CFAP107: variants seen among roughly 807,000 people sequenced by gnomAD.
The protein encoded by CFAP107 is cilia and flagella associated protein 107.
chr1:12,760,754 C>A, the CFAP107 span: 1 of 1,610,590 alleles, frequency 6.2e-7, no homozygotes, highest in East Asian at 2.2e-5. Flanking sequence ...CAACTGGACC[C>A]TGGTTTCTCT....
chr1:12,759,521 G>C, the CFAP107 span: 2 of 1,613,218 alleles, frequency 1.2e-6, no homozygotes, highest in Non-Finnish European at 1.7e-6. Context: ...CCTCTGCGTT[G>C]GTCTGTAAAG....
At chr1:12,746,535 G>T in the CFAP107 span, 1 of 1,610,664 alleles carries the variant, frequency 6.2e-7, no homozygotes, top group East Asian at 2.2e-5. Context: ...TGGAAGAGAG[G>T]AGAAAGGTAA....
the CFAP107 span, among the ~76,000 whole-genome samples, chr1:12,751,882 AAT>A: frequency 6.6e-6 from 1 of 152,210 alleles, no homozygotes; most frequent in South Asian, 2.1e-4. Context: ...AATTCCAAGA[AAT>A]ATACAATCTA....
At chr1:12,762,138 A>C in the CFAP107 span, 1 of 152,248 alleles carries the variant, frequency 6.6e-6, no homozygotes, top group East Asian at 1.9e-4. Flanking sequence ...TTTTCACAGG[A>C]TACCTGCTGG....
the CFAP107 span, among the ~76,000 whole-genome samples, chr1:12,758,621 T>G: frequency 6.6e-6 from 1 of 152,132 alleles, no homozygotes; most frequent in Non-Finnish European, 1.5e-5. Flanking sequence ...AGCATGGAAA[T>G]CAACATTATG....
the CFAP107 span, among the ~76,000 whole-genome samples, chr1:12,760,135 A>G: frequency 6.6e-6 from 1 of 152,162 alleles, no homozygotes; most frequent in Non-Finnish European, 1.5e-5. Context: ...AGGAAGGAAC[A>G]GTAAATGAAA....
the CFAP107 span, chr1:12,762,152 C>G: frequency 6.6e-6 from 1 of 152,236 alleles, no homozygotes; most frequent in East Asian, 1.9e-4. Flanking sequence ...CTGCTGGCCT[C>G]AGGCCACCTA....
At chr1:12,759,550 C>A in the CFAP107 span, 1 of 1,578,990 alleles carries the variant, frequency 6.3e-7, no homozygotes, top group Non-Finnish European at 8.7e-7. Flanking sequence ...ACCAACGGAG[C>A]TGTACCTGCC....
chr1:12,758,585 C>G, the CFAP107 span, among the ~76,000 whole-genome samples: 1 of 152,138 alleles, frequency 6.6e-6, no homozygotes, highest in Non-Finnish European at 1.5e-5. Context: ...ACACAGGCCT[C>G]CCTGTCTGCT....
chr1:12,751,448 G>A, the CFAP107 span, among the ~76,000 whole-genome samples: 9 of 152,072 alleles, frequency 5.9e-5, no homozygotes, highest in African/African-American at 1.9e-4. Context: ...CCAACATGGC[G>A]AAATCCCGTC....
the CFAP107 span, among the ~76,000 whole-genome samples, chr1:12,749,554 T>C: frequency 4.6e-5 from 7 of 152,118 alleles, no homozygotes; most frequent in African/African-American, 1.2e-4. Context: ...GAGGTTCTAG[T>C]GAGCCGAAAT....
At chr1:12,754,424 C>T in the CFAP107 span, among the ~76,000 whole-genome samples, 19 of 152,204 alleles carry the variant, frequency 1.2e-4, no homozygotes, top group African/African-American at 4.6e-4. Context: ...CTAAATGGTA[C>T]TGCCACTGTG....
chr1:12,759,987 A>G, the CFAP107 span, among the ~76,000 whole-genome samples: 3 of 152,084 alleles, frequency 2.0e-5, no homozygotes, highest in Non-Finnish European at 4.4e-5. Context: ...ATGGAGAGAA[A>G]GTGAGGTGGT....
chr1:12,757,405 A>G, the CFAP107 span, among the ~76,000 whole-genome samples: 177 of 135,566 alleles, frequency 1.3e-3, 1 homozygote, highest in African/African-American at 4.8e-3. Flanking sequence ...TTTTTGAGAT[A>G]GAGTCTCTCT....
chr1:12,757,897 C>T, the CFAP107 span, among the ~76,000 whole-genome samples: 1 of 152,076 alleles, frequency 6.6e-6, no homozygotes, highest in Non-Finnish European at 1.5e-5. Context: ...AGCCCGTATC[C>T]CCAACCGCCT....
At chr1:12,761,060 C>T in the CFAP107 span, 3 of 1,086,670 alleles carry the variant, frequency 2.8e-6, no homozygotes, top group East Asian at 7.7e-5. Context: ...GAGATCTGGC[C>T]CGTCAAAGGT....
the CFAP107 span, among the ~76,000 whole-genome samples, chr1:12,750,153 C>A: frequency 1.3e-5 from 2 of 152,050 alleles, no homozygotes; most frequent in African/African-American, 4.8e-5. Context: ...TTCAGTTGGT[C>A]GCAATTTAAA....
chr1:12,747,208 C>G, the CFAP107 span, among the ~76,000 whole-genome samples: 2 of 151,998 alleles, frequency 1.3e-5, no homozygotes, highest in African/African-American at 4.8e-5. Context: ...GCTGGGACTA[C>G]AAGTGCATGC....
the CFAP107 span, among the ~76,000 whole-genome samples, chr1:12,756,213 T>C: frequency 2.0e-5 from 3 of 152,244 alleles, no homozygotes; most frequent in Non-Finnish European, 2.9e-5. Context: ...CTTCCTGTTC[T>C]TTCGCATGAA....
Sources: gnomAD v4.1 joint callset for allele counts (sites outside exome capture counted in the v4.1 genomes callset) on GRCh38, gnomAD v4.1.1 for gene constraint, MANE v1.5 for transcripts, NCBI Gene and HGNC (gene_info 2026-07-23, HGNC 2026-07-21) for gene names.